The following EYS variants were observed in gnomAD, a reference collection of about 807,000 sequenced individuals.
EYS encodes the protein EGF-like photoreceptor maintenance factor.
In EYS, 250 loss-of-function variants were observed where a neutral mutation model predicts 282.1. The ratio of observed to expected loss-of-function variants is 0.89; its 90% CI spans 0.80 to 0.98. The LOEUF (loss-of-function observed/expected upper bound fraction) is 0.98, where lower values mean the gene tolerates loss of function less well. Ranked by LOEUF, EYS falls within the 50% of genes least tolerant of loss-of-function variation. The pLI is 0.00. For missense variants in EYS, 4,016 were observed against 3,709.0 expected (o/e 1.08, Z -2.15); for synonymous variants, 1,355 against 1,282.9 (o/e 1.06, Z -1.20).
At chr6:65,248,676 A>T (rs984180987) in intron 12 of EYS, among the ~76,000 whole-genome samples, 1 of 152,148 alleles carries the variant, frequency 6.6e-6, no homozygotes, top group African/African-American at 2.4e-5. Flanking sequence ...AACTGTAAAT[A>T]ATATCTCCTA....
chr6:63,903,571 C>G (rs1773706606), intron 35 of EYS, among the ~76,000 whole-genome samples: 1 of 152,144 alleles, frequency 6.6e-6, no homozygotes, highest in African/African-American at 2.4e-5. Context: ...CCTTGCTACC[C>G]CTGCCTTGTG....
At chr6:64,853,195 T>C (rs1349508698) in intron 19 of EYS, among the ~76,000 whole-genome samples, 2 of 152,144 alleles carry the variant, frequency 1.3e-5, no homozygotes. Flanking sequence ...ATAAAACTTA[T>C]GACAATTATA....
intron 41 of EYS, among the ~76,000 whole-genome samples, chr6:63,751,528 TA>T (rs1769340400): frequency 6.6e-6 from 1 of 152,202 alleles, no homozygotes. Context: ...TCTAATAGAT[TA>T]AAAAGAACTT....
chr6:64,373,644 A>C (rs980313435), intron 29 of EYS, among the ~76,000 whole-genome samples: 1 of 152,152 alleles, frequency 6.6e-6, no homozygotes, highest in Non-Finnish European at 1.5e-5. Flanking sequence ...AAATTCAGGA[A>C]GAAGTAGGAC....
intron 19 of EYS, among the ~76,000 whole-genome samples, chr6:64,854,035 C>T (rs1223503699): frequency 6.6e-6 from 1 of 151,932 alleles, no homozygotes; most frequent in Non-Finnish European, 1.5e-5. Flanking sequence ...AAATGCAAAT[C>T]AAAACCACAG....
At position 65,657,285 on chromosome 6, in the gene EYS, T is replaced by G. The variant is rs188856881; in HGVS notation, c.-447-17393A>C. Among the ~76,000 whole-genome samples the G allele has an allele frequency of 1.2e-4, 18 of 151,992 alleles. No individual in the cohort carries two copies. The East Asian group carries it at 3.1e-3, about 26-fold the overall frequency. On this transcript the variant is annotated intron_variant, in intron 1 of 42. Transcript: ENST00000503581. The stretch of plus-strand genomic sequence containing the variant: ...AGGAGTGATTTTTACTTTCAAATTT[T>G]ATTGTTTAAGAAATAAATTTCATAA...
intron 12 of EYS, among the ~76,000 whole-genome samples, chr6:65,251,006 G>A (rs560852393): frequency 8.1e-5 from 11 of 135,334 alleles, no homozygotes; most frequent in Middle Eastern, 8.4e-3. Flanking sequence ...AAAAATATCC[G>A]GAAAATAGAT....
At chr6:64,025,625 T>C (rs1204055578) in intron 33 of EYS, among the ~76,000 whole-genome samples, 2 of 152,116 alleles carry the variant, frequency 1.3e-5, no homozygotes, top group African/African-American at 2.4e-5. Flanking sequence ...AAGACATAAT[T>C]TTTGCCCAAA....
At chr6:65,035,804 C>T (rs866959188) in intron 13 of EYS, among the ~76,000 whole-genome samples, 37 of 151,428 alleles carry the variant, frequency 2.4e-4, no homozygotes, top group African/African-American at 3.1e-4. Flanking sequence ...TGACATTTTT[C>T]ACAGAATTGC....
intron 13 of EYS, among the ~76,000 whole-genome samples, chr6:65,011,296 C>A (rs944826028): frequency 6.6e-6 from 1 of 152,162 alleles, no homozygotes; most frequent in Non-Finnish European, 1.5e-5. Flanking sequence ...TAGTCAGGGC[C>A]TGTGAGGTGT....
chr6:64,811,525 T>C (rs899817382), intron 22 of EYS, among the ~76,000 whole-genome samples: 1 of 152,106 alleles, frequency 6.6e-6, no homozygotes, highest in Non-Finnish European at 1.5e-5. Flanking sequence ...CCAAAACTCA[T>C]GTTGGAACCT....
At chr6:65,228,950 G>A (rs551265869) in intron 12 of EYS, among the ~76,000 whole-genome samples, 1 of 151,908 alleles carries the variant, frequency 6.6e-6, no homozygotes, top group African/African-American at 2.4e-5. Flanking sequence ...TCAGATTGTT[G>A]TTTCAAAAAA....
chr6:63,806,027 A>G (rs1011545490), intron 37 of EYS, among the ~76,000 whole-genome samples, 163 bp downstream of exon 37: 7 of 152,218 alleles, frequency 4.6e-5, no homozygotes, highest in Non-Finnish European at 7.3e-5. Flanking sequence ...GGAACTGCTA[A>G]GTACTTTGGA....
At chr6:65,357,790 A>G (rs1764549407) in intron 8 of EYS, among the ~76,000 whole-genome samples, 1 of 152,054 alleles carries the variant, frequency 6.6e-6, no homozygotes, top group Non-Finnish European at 1.5e-5. Flanking sequence ...GCTGCCAATA[A>G]AAGAAAAGTA....
At chr6:65,615,925 C>G (rs1452024584) in intron 2 of EYS, among the ~76,000 whole-genome samples, 1 of 139,204 alleles carries the variant, frequency 7.2e-6, no homozygotes, top group Non-Finnish European at 1.5e-5. Context: ...GAGAGCGAGA[C>G]TCCATCTCAA....
At chr6:64,402,165 G>T (rs1582706508) in intron 28 of EYS, among the ~76,000 whole-genome samples, 1 of 152,170 alleles carries the variant, frequency 6.6e-6, no homozygotes, top group East Asian at 1.9e-4. Flanking sequence ...TACCTAAAAA[G>T]TTTCTAATAT....
intron 28 of EYS, among the ~76,000 whole-genome samples, chr6:64,395,680 G>A (rs1225311510): frequency 1.8e-4 from 28 of 151,554 alleles, no homozygotes; most frequent in Admixed American, 1.8e-3. Context: ...TATACCTAAT[G>A]CTAGATGAGG....
intron 29 of EYS, among the ~76,000 whole-genome samples, chr6:64,326,951 C>A (rs1470096055): frequency 6.6e-6 from 1 of 152,106 alleles, no homozygotes; most frequent in Non-Finnish European, 1.5e-5. Context: ...GTTGGGAACA[C>A]TGGGAGAGGC....
intron 26 of EYS, among the ~76,000 whole-genome samples, chr6:64,559,271 A>AGGTGTG (rs1765326337): frequency 1.4e-5 from 2 of 142,208 alleles, no homozygotes; most frequent in African/African-American, 5.3e-5. Context: ...GTGTGTGTGC[A>AGGTGTG]TGTGTGTGTG....
Sources: allele counts gnomAD v4.1 joint callset (sites outside exome capture counted in the v4.1 genomes callset), GRCh38; gene constraint gnomAD v4.1.1; transcripts MANE v1.5; gene names NCBI Gene and HGNC (gene_info 2026-07-23, HGNC 2026-07-21).